The following TRPS1 variants were observed in gnomAD, a reference collection of about 807,000 sequenced individuals.
TRPS1 encodes the protein zinc finger transcription factor Trps1.
TRPS1 carries 6 observed loss-of-function variants against 101.2 expected under a neutral mutation model. The ratio of observed to expected loss-of-function variants is 0.06; its 90% CI spans 0.03 to 0.12. The LOEUF (loss-of-function observed/expected upper bound fraction) is 0.12, where lower values mean the gene tolerates loss of function less well. Among genes scored for constraint, TRPS1 ranks in the 10% least tolerant of loss-of-function variants. The pLI is 1.00. For synonymous variants in TRPS1, 578 were observed against 589.8 expected, an observed-to-expected ratio of 0.98 and a Z score of 0.29; for missense variants, 1,363 against 1,567.0, an observed-to-expected ratio of 0.87 and a Z score of 2.20.
At position 115,607,854 on chromosome 8, in the gene TRPS1, A is replaced by G. The variant is rs1233812613; in HGVS notation, c.967-2852T>C. Among the ~76,000 whole-genome samples the G allele has an allele frequency of 2.0e-5, 3 of 152,136 alleles. No homozygotes were observed. In the East Asian group the frequency reaches 5.8e-4, roughly 29 times the overall value. ...AGTCATAGCGAAATATAGATGACATACAACATTTAAATGCCATTCTACAAT... is the reference window on the plus strand; with the variant it reads ...AGTCATAGCGAAATATAGATGACATGCAACATTTAAATGCCATTCTACAAT... On this transcript the variant is annotated intron_variant, in intron 3 of 6. Transcript: ENST00000395715.
intron 5 of TRPS1, chr8:115,492,174 TAGAAAA>T (rs1815040108): frequency 2.2e-6 from 1 of 456,070 alleles, no homozygotes; most frequent in Admixed American, 2.4e-5. Flanking sequence ...GTATGGGTCT[TAGAAAA>T]TACTGACCTT....
At position 115,587,046 on chromosome 8, in the gene TRPS1, T is replaced by G; in HGVS notation, c.2655A>C (p.Ala885=). ...KSGALPQQYP[A]SGENKSKDES... The stretch of plus-strand genomic sequence containing the variant: ...CATCCTTGGACTTGTTTTCTCCCGA[T>G]GCAGGATACTGCTGGGGGAGGGCCC... The change falls in exon 5 of 7, where the codon GCA becomes GCC. Residue 885 remains alanine (A), a synonymous_variant. Coordinates refer to ENST00000395715, the MANE Select transcript of TRPS1 (RefSeq NM_014112.5). The G allele has an allele frequency of 1.9e-6, 3 of 1,614,192 alleles. No homozygotes were observed. The highest frequency in any genetic ancestry group is 2.5e-6 in the Non-Finnish European group (3 of 1,180,032).
chr8:115,621,679 C>T (rs2009382), intron 2 of TRPS1, among the ~76,000 whole-genome samples: 86,841 of 151,908 alleles, frequency 0.57, 26,239 homozygotes, highest in East Asian at 0.84. Context: ...CTTTGGGAGG[C>T]CACGGCGGGT....
At chr8:115,638,040 C>T (rs1270648905) in intron 1 of TRPS1, among the ~76,000 whole-genome samples, 1 of 152,092 alleles carries the variant, frequency 6.6e-6, no homozygotes, top group African/African-American at 2.4e-5. Flanking sequence ...GGGAGCTTTC[C>T]CAGAACTTGG....
intron 5 of TRPS1, among the ~76,000 whole-genome samples, chr8:115,452,523 T>A (rs1037246790): frequency 6.6e-6 from 1 of 152,252 alleles, no homozygotes; most frequent in Non-Finnish European, 1.5e-5. Context: ...TTCTGTCCCA[T>A]AATTGATTTA....
intron 1 of TRPS1, among the ~76,000 whole-genome samples, chr8:115,629,957 A>G (rs1818602488): frequency 6.6e-6 from 1 of 151,848 alleles, no homozygotes; most frequent in Non-Finnish European, 1.5e-5. Context: ...AGCAGATCCC[A>G]TAGCTTTACA....
intron 1 of TRPS1, among the ~76,000 whole-genome samples, chr8:115,633,300 A>G (rs374522294): frequency 8.5e-5 from 13 of 152,162 alleles, no homozygotes; most frequent in African/African-American, 3.1e-4. Context: ...AGCAACAGAC[A>G]CCCTAACAGG....
intron 4 of TRPS1, among the ~76,000 whole-genome samples, chr8:115,591,020 A>T (rs1039047436): frequency 6.6e-6 from 1 of 152,030 alleles, no homozygotes; most frequent in African/African-American, 2.4e-5. Flanking sequence ...TTGCTTTAGG[A>T]CATGGCCCAG....
At chr8:115,464,491 C>T (rs1814270439) in intron 5 of TRPS1, among the ~76,000 whole-genome samples, 1 of 152,076 alleles carries the variant, frequency 6.6e-6, no homozygotes, top group Non-Finnish European at 1.5e-5. Flanking sequence ...TTGTGCTTGT[C>T]TCACAAGGGC....
rs145212297 is a variant in TRPS1, at chr8:115,523,139, T to C, written c.2700+63862A>G. Among the ~76,000 whole-genome samples, 660 of 152,162 alleles carry C rather than the reference T, an allele frequency of 4.3e-3. 7 individuals are homozygous for C. Among genetic ancestry groups the C allele is most frequent in the Admixed American group, 0.027 (406 of 15,272 alleles). ...AAATTGTTCTCAGAGAATCCCAACA[T>C]ATCCCAAAATATACTGTTAAGTGCA... On this transcript the variant is annotated intron_variant, in intron 5 of 6. Transcript: ENST00000395715.
chr8:115,521,451 G>A (rs1323293254), intron 5 of TRPS1, among the ~76,000 whole-genome samples: 1 of 148,968 alleles, frequency 6.7e-6, no homozygotes, highest in Non-Finnish European at 1.5e-5. Flanking sequence ...TTGACCCAAG[G>A]CTGAGGTTGA....
intron 5 of TRPS1, among the ~76,000 whole-genome samples, chr8:115,475,290 A>G (rs1464828276): frequency 1.1e-5 from 1 of 94,474 alleles, no homozygotes; most frequent in East Asian, 2.4e-4. Context: ...ATATATATAT[A>G]TATATATATA....
At chr8:115,605,082 T>C (rs1818007040) in intron 3 of TRPS1, 80 bp from the exon 4 acceptor site, 1 of 1,328,128 alleles carries the variant, frequency 7.5e-7, no homozygotes, top group African/African-American at 1.4e-5. Flanking sequence ...GGGAGGGTAC[T>C]GCCAAGTATT....
At chr8:115,478,436 A>G (rs1423557570) in intron 5 of TRPS1, among the ~76,000 whole-genome samples, 1 of 152,160 alleles carries the variant, frequency 6.6e-6, no homozygotes, top group African/African-American at 2.4e-5. Context: ...TGATTTCCCC[A>G]TGCTTGCTTG....
At chr8:115,558,273 T>C (rs1816871162) in intron 5 of TRPS1, among the ~76,000 whole-genome samples, 1 of 152,170 alleles carries the variant, frequency 6.6e-6, no homozygotes, top group Non-Finnish European at 1.5e-5. Flanking sequence ...TGTAATTTAC[T>C]GTTAATATTG....
chr8:115,452,777 C>T (rs1009920949), intron 5 of TRPS1, among the ~76,000 whole-genome samples: 3 of 152,110 alleles, frequency 2.0e-5, no homozygotes, highest in Non-Finnish European at 4.4e-5. Flanking sequence ...TCCTCGAGCA[C>T]AGATGTAACA....
chr8:115,536,522 CAAAAAAAAA>C (rs752895683), intron 5 of TRPS1, among the ~76,000 whole-genome samples: 1 of 102,912 alleles, frequency 9.7e-6, no homozygotes, highest in African/African-American at 3.7e-5. Flanking sequence ...GACTCCGTCT[CAAAAAAAAA>C]AAAAAAAAAA....
At chr8:115,435,192 A>AAGTT (rs1813418637) in intron 5 of TRPS1, among the ~76,000 whole-genome samples, 1 of 152,156 alleles carries the variant, frequency 6.6e-6, no homozygotes, top group African/African-American at 2.4e-5. Context: ...CAATTTATTG[A>AAGTT]CCTATCTATC....
At chr8:115,572,501 CTCTT>C (rs1370706264) in intron 5 of TRPS1, among the ~76,000 whole-genome samples, 1 of 152,008 alleles carries the variant, frequency 6.6e-6, no homozygotes. Context: ...GTACCTGACA[CTCTT>C]TTTTTCTTGT....
Sources: allele counts gnomAD v4.1 joint callset (sites outside exome capture counted in the v4.1 genomes callset), GRCh38; gene constraint gnomAD v4.1.1; transcripts MANE v1.5; gene names NCBI Gene and HGNC (gene_info 2026-07-23, HGNC 2026-07-21).